ZNRF1: variants seen among roughly 807,000 people sequenced by gnomAD.
The protein encoded by ZNRF1 is zinc and ring finger 1.
A neutral mutation model predicts 18.4 loss-of-function variants in ZNRF1; 3 were observed. The ratio of observed to expected loss-of-function variants is 0.16; its 90% CI spans 0.07 to 0.42. The LOEUF (loss-of-function observed/expected upper bound fraction) is 0.42, where lower values mean the gene tolerates loss of function less well. Among genes scored for constraint, ZNRF1 ranks in the 10% least tolerant of loss-of-function variants. The pLI, the probability that ZNRF1 is intolerant of heterozygous loss-of-function variation, is 0.99. For missense variants in ZNRF1, 310 were observed against 329.8 expected, an observed-to-expected ratio of 0.94 and a Z score of 0.47; for synonymous variants, 157 against 144.2, an observed-to-expected ratio of 1.09 and a Z score of -0.64.
rs115433051 is a variant in ZNRF1 at position 75,104,675 on chromosome 16, A to G, written c.521-109A>G. 1,589 of 909,450 alleles carry G rather than the reference A, an allele frequency of 1.7e-3. 14 individuals carry two copies. The African/African-American group carries it at 0.024, about 13-fold the overall frequency. The allele number at this position is 909,450 out of a possible 1,614,324, so 56.3% of individuals were successfully genotyped here. On this transcript the variant is annotated intron_variant, in intron 2 of 4. Coordinates refer to ENST00000335325, the MANE Select transcript of ZNRF1 (RefSeq NM_032268.5). ...TTCTGTGTCCCCTGCAGAGCCGGGC[A>G]CAGCTTGGGGCAGCTAAGCAGTCCC...
rs536114099 is a variant in ZNRF1 at position 75,108,746 on chromosome 16, C to T, written c.*1046C>T. 69 of 387,932 alleles carry T rather than the reference C, an allele frequency of 1.8e-4. No individual in the cohort carries two copies. The highest frequency in any genetic ancestry group is 1.4e-3 in the African/African-American group (68 of 48,530). 24.0% of individuals were successfully genotyped at this position (387,932 alleles called of 1,614,324 possible). A position where few individuals can be genotyped will look rare whatever the true frequency, so the allele number is the denominator to read the frequency against. ...GATTTTATTTTAATGAAGTGTTATACAATCAAGAAATGGGGGCAAGGGCCT... is the reference window on the plus strand; with the variant it reads ...GATTTTATTTTAATGAAGTGTTATATAATCAAGAAATGGGGGCAAGGGCCT... On this transcript the variant is annotated 3_prime_UTR_variant, in exon 5 of 5. Transcript: ENST00000335325.
At chr16:75,101,601 G>T (rs961394006) in intron 2 of ZNRF1, among the ~76,000 whole-genome samples, 2 of 152,106 alleles carry the variant, frequency 1.3e-5, no homozygotes, top group African/African-American at 4.8e-5. Flanking sequence ...CCTGGAGTCT[G>T]CAGTGTACTA....
chr16:75,060,856 A>G (rs1232075091), intron 1 of ZNRF1, among the ~76,000 whole-genome samples: 1 of 152,138 alleles, frequency 6.6e-6, no homozygotes, highest in African/African-American at 2.4e-5. Flanking sequence ...TCTCCCCTGT[A>G]CTATGAGGGT....
At chr16:75,087,916 G>A (rs1312364722) in intron 1 of ZNRF1, among the ~76,000 whole-genome samples, 2 of 152,254 alleles carry the variant, frequency 1.3e-5, no homozygotes, top group Non-Finnish European at 2.9e-5. Context: ...CCTCCAGGGT[G>A]TGCCGCTCAG....
At chr16:75,086,267 AAC>A (rs2036073233) in intron 1 of ZNRF1, among the ~76,000 whole-genome samples, 1 of 152,206 alleles carries the variant, frequency 6.6e-6, no homozygotes, top group South Asian at 2.1e-4. Flanking sequence ...GACCCATCAC[AAC>A]AGATATGTTA....
intron 1 of ZNRF1, among the ~76,000 whole-genome samples, chr16:75,033,993 A>C (rs993017513): frequency 0.02 from 26 of 1,292 alleles, no homozygotes; most frequent in African/African-American, 0.041. Flanking sequence ...CTAAAATACA[A>C]AAAAAAAAAA....
chr16:75,041,470 C>T (rs1208617855), intron 1 of ZNRF1, among the ~76,000 whole-genome samples: 1 of 151,988 alleles, frequency 6.6e-6, no homozygotes, highest in Non-Finnish European at 1.5e-5. Flanking sequence ...GCTGGGACTA[C>T]GTGTGCATGC....
chr16:75,100,737 T>C (rs1239365780), intron 2 of ZNRF1, among the ~76,000 whole-genome samples: 2 of 152,208 alleles, frequency 1.3e-5, no homozygotes, highest in East Asian at 1.9e-4. Context: ...GGGGAAGGAA[T>C]GCTTTAGAGG....
intron 1 of ZNRF1, among the ~76,000 whole-genome samples, chr16:75,056,993 C>T (rs1597884967): frequency 2.6e-5 from 4 of 152,280 alleles, no homozygotes; most frequent in South Asian, 4.1e-4. Context: ...AGGCCTGTGG[C>T]ATCCTCTAGT....
intron 1 of ZNRF1, among the ~76,000 whole-genome samples, chr16:75,021,085 G>C (rs1193743058): frequency 6.6e-6 from 1 of 152,156 alleles, no homozygotes; most frequent in African/African-American, 2.4e-5. Context: ...TTGTTGCCCA[G>C]GCTGGAGTGC....
At chr16:75,062,255 C>T (rs2035752843) in intron 1 of ZNRF1, among the ~76,000 whole-genome samples, 1 of 152,160 alleles carries the variant, frequency 6.6e-6, no homozygotes, top group Non-Finnish European at 1.5e-5. Flanking sequence ...TCGTTGTCTC[C>T]CTGGGAAGCA....
chr16:75,098,870 A>T (rs777255040), intron 2 of ZNRF1, among the ~76,000 whole-genome samples: 73 of 151,250 alleles, frequency 4.8e-4, no homozygotes, highest in Middle Eastern at 3.4e-3. Context: ...GAGCCTCCCC[A>T]CCCCTCCATA....
intron 1 of ZNRF1, among the ~76,000 whole-genome samples, chr16:75,008,657 C>T (rs953191823): frequency 7.2e-5 from 11 of 152,064 alleles, no homozygotes; most frequent in African/African-American, 2.7e-4. Context: ...TCTGGTATAC[C>T]AGGACCTATG....
At chr16:75,068,469 A>G (rs7187939) in intron 1 of ZNRF1, among the ~76,000 whole-genome samples, 8,033 of 152,220 alleles carry the variant, frequency 0.053, 659 homozygotes, top group African/African-American at 0.18. Context: ...TTTCTCCCAC[A>G]GCAGAGTCGG....
In ZNRF1 at chr16:75,062,084, G is replaced by T. The variant is rs187318536; in HGVS notation, c.425-31488G>T. Reference sequence around the variant, plus strand: ...TCATGTTCTCGTTGTTATGCTACGAGATCTAAGCCAAGTGAGAAATCTAAG... The same window carrying T: ...TCATGTTCTCGTTGTTATGCTACGATATCTAAGCCAAGTGAGAAATCTAAG... On this transcript the variant is annotated intron_variant, in intron 1 of 4. Coordinates refer to ENST00000335325, the MANE Select transcript of ZNRF1 (RefSeq NM_032268.5). 2.2e-4 allele frequency among the ~76,000 whole-genome samples: 34 copies of T among 152,336 alleles called. No homozygotes were observed. In the East Asian group the frequency reaches 6.6e-3, roughly 29 times the overall value.
In ZNRF1 at chr16:75,108,250, G is replaced by T. The variant is rs561667345; in HGVS notation, c.*550G>T. On this transcript the variant is annotated 3_prime_UTR_variant, in exon 5 of 5. Transcript: ENST00000335325. Reference sequence around the variant, plus strand: ...TTTTTTCCCTCTATTTTTCTGGCTGGTTTTTTGCTCTTTTCTCCCCTTGAG... The same window carrying T: ...TTTTTTCCCTCTATTTTTCTGGCTGTTTTTTTGCTCTTTTCTCCCCTTGAG... 6 of 233,122 alleles carry T rather than the reference G, an allele frequency of 2.6e-5. No individual in the cohort carries two copies. The highest frequency in any genetic ancestry group is 1.5e-4 in the Admixed American group (3 of 19,378). The allele number at this position is 233,122 out of a possible 1,614,324, so 14.4% of individuals were successfully genotyped here.
intron 1 of ZNRF1, among the ~76,000 whole-genome samples, chr16:75,042,750 T>A (rs2035465654): frequency 1.3e-5 from 2 of 152,206 alleles, no homozygotes; most frequent in Non-Finnish European, 2.9e-5. Flanking sequence ...CGTTTTAGGA[T>A]CAGCCTGTTG....
At chr16:75,032,018 A>G (rs149939470) in intron 1 of ZNRF1, among the ~76,000 whole-genome samples, 145 of 150,746 alleles carry the variant, frequency 9.6e-4, no homozygotes, top group Non-Finnish European at 1.6e-3. Flanking sequence ...TTACCTGTCT[A>G]TTTGATAATA....
chr16:75,068,297 G>A (rs1343774544), intron 1 of ZNRF1, among the ~76,000 whole-genome samples: 1 of 151,492 alleles, frequency 6.6e-6, no homozygotes, highest in Non-Finnish European at 1.5e-5. Context: ...CCTGGAGGTT[G>A]AAGCTGCAGT....
Sources: gnomAD v4.1 joint callset for allele counts (sites outside exome capture counted in the v4.1 genomes callset) on GRCh38, gnomAD v4.1.1 for gene constraint, MANE v1.5 for transcripts, NCBI Gene and HGNC (gene_info 2026-07-23, HGNC 2026-07-21) for gene names.